The following GPC5 variants were observed in gnomAD, a reference collection of about 807,000 sequenced individuals.
The protein encoded by GPC5 is glypican-5.
GPC5 carries 47 observed loss-of-function variants against 53.9 expected under a neutral mutation model. The observed-to-expected ratio is 0.87, with a 90% CI of 0.69 to 1.11. GPC5 has a LOEUF of 1.11. GPC5 is among the 50% of genes most tolerant of loss of function. The pLI, the probability that GPC5 is intolerant of heterozygous loss-of-function variation, is 0.00. For synonymous variants in GPC5, 286 were observed against 263.3 expected (o/e 1.09, Z -0.84); for missense variants, 748 against 713.1 (o/e 1.05, Z -0.56).
intron 5 of GPC5, among the ~76,000 whole-genome samples, chr13:91,790,915 C>T (rs1481910382): frequency 5.3e-5 from 8 of 152,046 alleles, no homozygotes; most frequent in Non-Finnish European, 7.4e-5. Flanking sequence ...ACTCCATACC[C>T]GTGTTTCTCC....
intron 7 of GPC5, among the ~76,000 whole-genome samples, chr13:92,323,120 GA>G (rs962660931): frequency 6.0e-5 from 9 of 150,520 alleles, no homozygotes; most frequent in Non-Finnish European, 8.9e-5. Flanking sequence ...GTGGTATAAT[GA>G]AAAAAAATAA....
chr13:91,968,494 C>T (rs926103303), intron 6 of GPC5, among the ~76,000 whole-genome samples: 3 of 151,786 alleles, frequency 2.0e-5, no homozygotes, highest in Non-Finnish European at 4.4e-5. Flanking sequence ...TGGAGTCTTG[C>T]TCTGTCGCCC....
intron 7 of GPC5, among the ~76,000 whole-genome samples, chr13:92,429,527 T>A (rs1876993852): frequency 6.6e-6 from 1 of 151,924 alleles, no homozygotes; most frequent in African/African-American, 2.4e-5. Context: ...AAAGATTTTT[T>A]ATTTATTTAA....
chr13:92,566,096 A>G lies in GPC5; in HGVS notation c.1562-300186A>G, dbSNP rs144362034. ...ACTAATGGGATCAGAGGTCTTCTTGACTTTAGAACATATTATCATTTAATC... is the reference window on the plus strand; with the variant it reads ...ACTAATGGGATCAGAGGTCTTCTTGGCTTTAGAACATATTATCATTTAATC... On this transcript the variant is annotated intron_variant, in intron 7 of 7. Coordinates refer to ENST00000377067, the MANE Select transcript of GPC5 (RefSeq NM_004466.6). 4.4e-3 allele frequency among the ~76,000 whole-genome samples: 662 copies of G among 152,172 alleles called. 2 individuals are homozygous for G. Among genetic ancestry groups the G allele is most frequent in the Non-Finnish European group, 6.6e-3 (450 of 67,990 alleles).
In GPC5 at chr13:91,728,634, A is replaced by G. The variant is rs2140008843; in HGVS notation, c.1123A>G (p.Asn375Asp). 1 of 1,612,936 alleles carries G rather than the reference A, an allele frequency of 6.2e-7. No individual in the cohort carries two copies. The highest frequency in any genetic ancestry group is 8.5e-7 in the Non-Finnish European group (1 of 1,179,248). The change falls in exon 4 of 8, where the codon AAC (asparagine) becomes GAC (aspartate). Residue 375 changes from asparagine (N) to aspartate (D), a missense_variant. Coordinates refer to ENST00000377067, the MANE Select transcript of GPC5 (RefSeq NM_004466.6). Reference protein sequence around the residue: ...EKHGMKTTTRNSEETLANRRK... With the variant: ...EKHGMKTTTRDSEETLANRRK... Reference sequence around the variant, plus strand: ...GCATGGAATGAAGACCACCACAAGGAACAGTGAAGAGACGCTTGCCAACAG... The same window carrying G: ...GCATGGAATGAAGACCACCACAAGGGACAGTGAAGAGACGCTTGCCAACAG...
intron 7 of GPC5, among the ~76,000 whole-genome samples, chr13:92,744,867 G>C (rs572573167): frequency 3.4e-4 from 52 of 152,068 alleles, no homozygotes; most frequent in African/African-American, 1.2e-3. Flanking sequence ...TGGATAGATA[G>C]GTAGACAGAG....
chr13:92,814,203 C>T (rs1020596342), intron 7 of GPC5, among the ~76,000 whole-genome samples: 2 of 151,800 alleles, frequency 1.3e-5, no homozygotes, highest in African/African-American at 4.9e-5. Flanking sequence ...GAATTATGGG[C>T]AAAAATTAAC....
chr13:91,536,478 A>G (rs1299397000), intron 2 of GPC5, among the ~76,000 whole-genome samples: 2 of 152,192 alleles, frequency 1.3e-5, no homozygotes, highest in Admixed American at 6.5e-5. Context: ...CCAATTTGGA[A>G]GACATTATTT....
intron 7 of GPC5, among the ~76,000 whole-genome samples, chr13:92,254,746 G>A (rs2042715421): frequency 6.6e-6 from 1 of 152,146 alleles, no homozygotes; most frequent in South Asian, 2.1e-4. Context: ...ACAGAGAAGT[G>A]CAGAGTGAAG....
intron 6 of GPC5, among the ~76,000 whole-genome samples, chr13:92,060,426 C>T (rs573713520): frequency 2.0e-5 from 3 of 152,062 alleles, no homozygotes; most frequent in Non-Finnish European, 4.4e-5. Context: ...TTTTAAAATT[C>T]GATTTCCCAT....
intron 7 of GPC5, among the ~76,000 whole-genome samples, chr13:92,670,050 G>T (rs1886695100): frequency 6.6e-6 from 1 of 152,144 alleles, no homozygotes; most frequent in South Asian, 2.1e-4. Flanking sequence ...TCAATGGGTT[G>T]CTCACTACGG....
Position 92,706,757 on chromosome 13 carries a change from A to T in GPC5, c.1562-159525A>T, listed in dbSNP as rs186676455. 3.4e-3 allele frequency among the ~76,000 whole-genome samples: 519 copies of T among 152,236 alleles called. 3 individuals are homozygous for T. The highest frequency in any genetic ancestry group is 0.012 in the African/African-American group (480 of 41,554). On this transcript the variant is annotated intron_variant, in intron 7 of 7. Coordinates refer to ENST00000377067, the MANE Select transcript of GPC5 (RefSeq NM_004466.6). ...GAAGCATTCACATAGCCTATTACAAATCTATTTAATTGAACTGTACATACT... is the reference window on the plus strand; with the variant it reads ...GAAGCATTCACATAGCCTATTACAATTCTATTTAATTGAACTGTACATACT...
At chr13:92,433,865 C>T (rs1279400742) in intron 7 of GPC5, among the ~76,000 whole-genome samples, 2 of 151,960 alleles carry the variant, frequency 1.3e-5, no homozygotes, top group African/African-American at 2.4e-5. Context: ...ATAAGATGTT[C>T]CTCCAAAAAC....
chr13:92,547,819 C>CTTTTTTTTTCTTT (rs1882172825), intron 7 of GPC5, among the ~76,000 whole-genome samples: 1 of 100,448 alleles, frequency 1.0e-5, no homozygotes, highest in African/African-American at 4.0e-5. Context: ...GCCTATTATT[C>CTTTTTTTTTCTTT]TTTTTTTTTT....
chr13:92,102,829 G>A (rs1023054847), intron 6 of GPC5, among the ~76,000 whole-genome samples: 6 of 152,146 alleles, frequency 3.9e-5, no homozygotes, highest in South Asian at 2.1e-4. Flanking sequence ...AGGCATCTTC[G>A]TGGATTGAGG....
At chr13:92,114,347 G>C (rs959336104) in intron 6 of GPC5, among the ~76,000 whole-genome samples, 1 of 152,094 alleles carries the variant, frequency 6.6e-6, no homozygotes, top group East Asian at 1.9e-4. Flanking sequence ...CGTTACTTCA[G>C]ACCTTCACAG....
chr13:92,399,350 C>T (rs143042611), intron 7 of GPC5, among the ~76,000 whole-genome samples: 22 of 152,240 alleles, frequency 1.4e-4, no homozygotes, highest in East Asian at 5.8e-4. Flanking sequence ...CAACAATCTA[C>T]GACAGGACTA....
At chr13:92,626,876 C>T (rs910944272) in intron 7 of GPC5, among the ~76,000 whole-genome samples, 1 of 152,090 alleles carries the variant, frequency 6.6e-6, no homozygotes, top group African/African-American at 2.4e-5. Flanking sequence ...TAATGAAATA[C>T]ACATACATAA....
intron 7 of GPC5, among the ~76,000 whole-genome samples, chr13:92,628,138 G>T (rs903008501): frequency 2.0e-5 from 3 of 152,004 alleles, no homozygotes; most frequent in East Asian, 1.9e-4. Context: ...AATTAGAAAA[G>T]AGAGGGACAG....
Sources: allele counts gnomAD v4.1 joint callset (sites outside exome capture counted in the v4.1 genomes callset), GRCh38; gene constraint gnomAD v4.1.1; transcripts MANE v1.5; gene names NCBI Gene and HGNC (gene_info 2026-07-23, HGNC 2026-07-21).